Variants in CSMD3 observed in about 807,000 individuals in gnomAD.
CSMD3 encodes the protein CUB and Sushi multiple domains 3, also known as CUB and sushi domain-containing protein 3.
A neutral mutation model predicts 435.2 loss-of-function variants in CSMD3; 177 were observed. That is an observed-to-expected ratio of 0.41 (90% confidence interval 0.36 to 0.46). CSMD3 has a LOEUF of 0.46. Among genes scored for constraint, CSMD3 ranks in the 20% least tolerant of loss-of-function variants. The pLI is 0.34. For synonymous variants in CSMD3, 1,656 were observed against 1,520.5 expected (o/e 1.09, Z -2.07); for missense variants, 4,265 against 4,504.6 (o/e 0.95, Z 1.52).
chr8:113,000,307 G>C (rs1297415592), intron 6 of CSMD3, among the ~76,000 whole-genome samples: 4 of 151,964 alleles, frequency 2.6e-5, no homozygotes, highest in Non-Finnish European at 4.4e-5. Flanking sequence ...AGAGGATTTG[G>C]ATATGATTAA....
At chr8:112,312,564 G>A (rs1822090548) in intron 49 of CSMD3, among the ~76,000 whole-genome samples, 2 of 151,914 alleles carry the variant, frequency 1.3e-5, no homozygotes, top group African/African-American at 4.8e-5. Flanking sequence ...CCATGTTTCA[G>A]TTTTTTAAAA....
At chr8:112,261,483 T>G (rs1188528603) in intron 61 of CSMD3, among the ~76,000 whole-genome samples, 1 of 151,980 alleles carries the variant, frequency 6.6e-6, no homozygotes, top group Non-Finnish European at 1.5e-5. Flanking sequence ...GGTTTCTCAT[T>G]TCTATACATT....
intron 9 of CSMD3, among the ~76,000 whole-genome samples, chr8:112,924,264 A>G (rs2082839890): frequency 6.6e-6 from 1 of 152,170 alleles, no homozygotes; most frequent in South Asian, 2.1e-4. Flanking sequence ...ACAAGCTGTC[A>G]CGGAAATCCG....
chr8:112,372,304 TA>T (rs1192218066), intron 38 of CSMD3, among the ~76,000 whole-genome samples: 1 of 152,112 alleles, frequency 6.6e-6, no homozygotes, highest in Non-Finnish European at 1.5e-5. Context: ...AATGAAACAT[TA>T]AGAAATCAGT....
chr8:112,359,740 A>G (rs1308684153), intron 38 of CSMD3, among the ~76,000 whole-genome samples: 2 of 152,074 alleles, frequency 1.3e-5, no homozygotes, highest in Non-Finnish European at 2.9e-5. Context: ...CATTTGAGGC[A>G]GTCTTGAATT....
At chr8:112,826,556 T>C (rs2079686701) in intron 12 of CSMD3, among the ~76,000 whole-genome samples, 1 of 152,168 alleles carries the variant, frequency 6.6e-6, no homozygotes, top group Non-Finnish European at 1.5e-5. Flanking sequence ...ACCACCTCCC[T>C]TGGCTATGGA....
intron 35 of CSMD3, among the ~76,000 whole-genome samples, chr8:112,404,276 T>G (rs2129970427): frequency 6.6e-6 from 1 of 152,250 alleles, no homozygotes; most frequent in South Asian, 2.1e-4. Context: ...GCACCTATAA[T>G]CCCAGCACTT....
At chr8:113,041,173 G>T (rs1303061065) in intron 5 of CSMD3, among the ~76,000 whole-genome samples, 3 of 134,472 alleles carry the variant, frequency 2.2e-5, no homozygotes, top group African/African-American at 8.2e-5. Flanking sequence ...GACACTGCAC[G>T]CCAGCCTGGG....
intron 6 of CSMD3, among the ~76,000 whole-genome samples, chr8:112,981,626 A>T (rs746111077): frequency 5.9e-5 from 9 of 151,700 alleles, no homozygotes; most frequent in Non-Finnish European, 1.2e-4. Context: ...TGATAGTAAG[A>T]TTTGTCAGTA....
At chr8:113,090,561 T>C (rs1041647747) in intron 5 of CSMD3, among the ~76,000 whole-genome samples, 1 of 152,124 alleles carries the variant, frequency 6.6e-6, no homozygotes, top group South Asian at 2.1e-4. Context: ...GAATAAAATT[T>C]ATGGATAAAA....
chr8:113,113,247 T>C (rs2090718778), intron 4 of CSMD3, among the ~76,000 whole-genome samples: 1 of 152,194 alleles, frequency 6.6e-6, no homozygotes, highest in African/African-American at 2.4e-5. Context: ...TGTATATAGT[T>C]TTTAATCATA....
chr8:112,237,165 T>G (rs769112135), intron 67 of CSMD3, 25 bp downstream of exon 67: 133 of 1,610,650 alleles, frequency 8.3e-5, no homozygotes, highest in Middle Eastern at 4.9e-4. Context: ...GAAGGTATAT[T>G]TCGCTGCTGT....
At chr8:112,630,153 C>A (rs966078550) in intron 22 of CSMD3, among the ~76,000 whole-genome samples, 1 of 152,078 alleles carries the variant, frequency 6.6e-6, no homozygotes, top group Non-Finnish European at 1.5e-5. Flanking sequence ...AGGGTCTAAA[C>A]CATGCCCAGA....
intron 1 of CSMD3, among the ~76,000 whole-genome samples, chr8:113,338,142 G>T (rs552719940): frequency 6.6e-6 from 1 of 151,604 alleles, no homozygotes; most frequent in East Asian, 1.9e-4. Flanking sequence ...AGTCACCCTG[G>T]TAAAAATATA....
chr8:112,420,711 T>C (rs998171171), intron 32 of CSMD3, among the ~76,000 whole-genome samples: 14 of 152,258 alleles, frequency 9.2e-5, no homozygotes, highest in African/African-American at 2.9e-4. Context: ...GAGAGTTAAT[T>C]TTATAAGGTT....
intron 27 of CSMD3, among the ~76,000 whole-genome samples, chr8:112,540,594 G>A (rs1183959105): frequency 2.6e-5 from 4 of 151,964 alleles, no homozygotes; most frequent in East Asian, 1.9e-4. Context: ...ATTCAGCCAC[G>A]GGGAGGAAAA....
intron 63 of CSMD3, among the ~76,000 whole-genome samples, chr8:112,249,247 T>C (rs1815042162): frequency 6.6e-6 from 1 of 152,096 alleles, no homozygotes; most frequent in Non-Finnish European, 1.5e-5. Context: ...TTTCAAAGTA[T>C]CGTCTTCCTT....
chr8:112,559,230 G>A (rs1828396659), intron 24 of CSMD3, among the ~76,000 whole-genome samples: 1 of 151,906 alleles, frequency 6.6e-6, no homozygotes, highest in Non-Finnish European at 1.5e-5. Flanking sequence ...TGAAGAATGA[G>A]GCCCAGAAAT....
At chr8:112,862,658 C>A (rs1197054855) in intron 10 of CSMD3, among the ~76,000 whole-genome samples, 1 of 151,890 alleles carries the variant, frequency 6.6e-6, no homozygotes, top group East Asian at 1.9e-4. Flanking sequence ...TATGGAAAGC[C>A]AAACTGCAAA....
Sources: allele counts gnomAD v4.1 joint callset (sites outside exome capture counted in the v4.1 genomes callset), GRCh38; gene constraint gnomAD v4.1.1; transcripts MANE v1.5; gene names NCBI Gene and HGNC (gene_info 2026-07-23, HGNC 2026-07-21).